SEC61B: variants seen among roughly 807,000 people sequenced by gnomAD.
SEC61B encodes protein transport protein Sec61 subunit beta.
In SEC61B, 7 loss-of-function variants were observed where a neutral mutation model predicts 12.6. That is an observed-to-expected ratio of 0.55 (90% confidence interval 0.32 to 1.04). The LOEUF (loss-of-function observed/expected upper bound fraction) is 1.04. Among genes scored for constraint, SEC61B ranks in the 50% least tolerant of loss-of-function variants. The pLI, the probability that SEC61B is intolerant of heterozygous loss-of-function variation, is 0.05. For synonymous variants in SEC61B, 54 were observed against 50.1 expected, an observed-to-expected ratio of 1.08 and a Z score of -0.33; for missense variants, 107 against 130.1, an observed-to-expected ratio of 0.82 and a Z score of 0.86.
At chr9:99,222,449 C>T in intron 1 of SEC61B, 83 bp downstream of exon 1, 2 of 1,607,824 alleles carry the variant, frequency 1.2e-6, no homozygotes, top group Non-Finnish European at 1.7e-6. Context: ...CTCTGTAGCT[C>T]CCTTGCTTCC....
chr9:99,228,927 G>A (rs1033226450), intron 3 of SEC61B, among the ~76,000 whole-genome samples: 2 of 152,088 alleles, frequency 1.3e-5, no homozygotes, highest in African/African-American at 2.4e-5. Context: ...TTTGCATATT[G>A]TCCATCTAGT....
intron 2 of SEC61B, among the ~76,000 whole-genome samples, chr9:99,226,240 C>G (rs1393133967): frequency 6.6e-6 from 1 of 152,204 alleles, no homozygotes; most frequent in Non-Finnish European, 1.5e-5. Context: ...GAACACAGCT[C>G]TTCCTGTTAG....
At chr9:99,222,696 C>A in intron 2 of SEC61B, 53 bp downstream of exon 2, 1 of 1,236,026 alleles carries the variant, frequency 8.1e-7, no homozygotes. Flanking sequence ...GGACCCAGAA[C>A]CTCGCTGATT....
At chr9:99,222,664 T>TTCGC in intron 2 of SEC61B, 21 bp downstream of exon 2, 1 of 1,481,512 alleles carries the variant, frequency 6.7e-7, no homozygotes, top group South Asian at 1.3e-5. Context: ...CTGCAGTTCG[T>TTCGC]TCGCTTCCAG....
At chr9:99,224,563 A>G (rs1310535999) in intron 2 of SEC61B, among the ~76,000 whole-genome samples, 2 of 152,262 alleles carry the variant, frequency 1.3e-5, no homozygotes, top group African/African-American at 4.8e-5. Flanking sequence ...AATAGTAAAA[A>G]TGAAATAACT....
chr9:99,229,668 A>C (rs1159632819), intron 3 of SEC61B, among the ~76,000 whole-genome samples: 1 of 152,046 alleles, frequency 6.6e-6, no homozygotes, highest in East Asian at 1.9e-4. Flanking sequence ...CTCATTTTAA[A>C]CCCTTCTCAA....
At chr9:99,226,390 C>A (rs1046834707) in intron 2 of SEC61B, among the ~76,000 whole-genome samples, 1 of 152,176 alleles carries the variant, frequency 6.6e-6, no homozygotes, top group African/African-American at 2.4e-5. Flanking sequence ...GGGAGGAAAG[C>A]AAGAAGAGAT....
chr9:99,223,391 CT>C (rs1828858994), intron 2 of SEC61B, among the ~76,000 whole-genome samples: 1 of 148,740 alleles, frequency 6.7e-6, no homozygotes, highest in Admixed American at 6.7e-5. Flanking sequence ...CCTAACCTTT[CT>C]TTTTCCTTTT....
intron 2 of SEC61B, among the ~76,000 whole-genome samples, chr9:99,226,688 G>C (rs1442204827): frequency 8.5e-5 from 13 of 152,182 alleles, no homozygotes. Flanking sequence ...GAGCAGCTGG[G>C]GTTGGGGAAG....
Position 99,227,959 on chromosome 9 carries a change from G to C in SEC61B, c.162G>C (p.Gly54=), listed in dbSNP as rs1225261017. 6 of 1,614,000 alleles carry C rather than the reference G, an allele frequency of 3.7e-6. No homozygotes were observed. The highest frequency in any genetic ancestry group is 1.7e-6 in the Non-Finnish European group (2 of 1,180,002). ...GCACAACCTCGGCAGGCACCGGGGGGATGTGGCGATTCTACACAGAAGATT... is the reference window on the plus strand; with the variant it reads ...GCACAACCTCGGCAGGCACCGGGGGCATGTGGCGATTCTACACAGAAGATT... ...AGRTTSAGTG[G]MWRFYTEDSP... The change falls in exon 3 of 4, where the codon GGG becomes GGC. Residue 54 remains glycine, a synonymous_variant. Coordinates refer to ENST00000223641, the MANE Select transcript of SEC61B (RefSeq NM_006808.3).
rs1259578327 is a variant in SEC61B, at chr9:99,222,385, GA to G, written c.3+20del. The G allele has an allele frequency of 3.1e-6, 5 of 1,613,976 alleles. No individual in the cohort carries two copies. The African/African-American group carries it at 6.7e-5, about 22-fold the overall frequency. ...CAATATGGTATGGCGGCCCTTCCAT[GA>G]TCCCCGCCTCTCCCAGAAGCCCTGA... On this transcript the variant is annotated intron_variant, in intron 1 of 3. Coordinates refer to ENST00000223641, the MANE Select transcript of SEC61B (RefSeq NM_006808.3).
chr9:99,223,484 C>T (rs903513444), intron 2 of SEC61B, among the ~76,000 whole-genome samples: 1 of 151,862 alleles, frequency 6.6e-6, no homozygotes, highest in African/African-American at 2.4e-5. Flanking sequence ...GCCTTTGCCT[C>T]CAGAGTTCAA....
In SEC61B at chr9:99,222,624, G is replaced by A; in HGVS notation, c.82G>A (p.Gly28Arg). Residue 28 changes from glycine to arginine, a missense_variant, in exon 2 of 4, where the codon GGA becomes AGA. By Grantham distance (125) the Gly-to-Arg change is moderately radical. Coordinates refer to ENST00000223641, the MANE Select transcript of SEC61B (RefSeq NM_006808.3). ...CAAAGCAGTGGCCGCCCGGGCGGCG[G>A]GATCCACTGTCCGGCAGAGGTAAGG... Reference protein sequence around the residue: ...PSKAVAARAAGSTVRQRKNAS... With the variant: ...PSKAVAARAARSTVRQRKNAS... The A allele has an allele frequency of 1.3e-6, 2 of 1,548,850 alleles. No individual in the cohort carries two copies. The highest frequency in any genetic ancestry group is 1.7e-6 in the Non-Finnish European group (2 of 1,146,422).
chr9:99,222,466 C>G, intron 1 of SEC61B, 80 bp from the exon 2 acceptor site: 1 of 1,605,562 alleles, frequency 6.2e-7, no homozygotes, highest in South Asian at 1.1e-5. Flanking sequence ...TTCCCCCAGC[C>G]TCGGGTGTGG....
chr9:99,222,500 C>T (rs1828840000), intron 1 of SEC61B, 46 bp from the exon 2 acceptor site: 1 of 1,602,218 alleles, frequency 6.2e-7, no homozygotes, highest in African/African-American at 1.3e-5. Context: ...GGTTCTGGGG[C>T]AGGCCTGCCG....
At chr9:99,229,606 C>T (rs1278738589) in intron 3 of SEC61B, among the ~76,000 whole-genome samples, 3 of 152,284 alleles carry the variant, frequency 2.0e-5, no homozygotes, top group Admixed American at 2.0e-4. Flanking sequence ...GGATTATAGG[C>T]ATGAGAGGGA....
At chr9:99,222,761 TGACGTGGCCGTGG>T (rs1828845579) in intron 2 of SEC61B, 118 bp downstream of exon 2, 1 of 732,426 alleles carries the variant, frequency 1.4e-6, no homozygotes, top group South Asian at 2.0e-5. Context: ...GAGCTTCTAG[TGACGTGGCCGTGG>T]GAGTAGTTAA....
chr9:99,225,870 T>C (rs1253313283), intron 2 of SEC61B, among the ~76,000 whole-genome samples: 1 of 152,180 alleles, frequency 6.6e-6, no homozygotes, highest in Non-Finnish European at 1.5e-5. Context: ...TAGTAGGAAG[T>C]GCATGCGTCC....
chr9:99,227,803 T>C lies in SEC61B; in HGVS notation c.102-96T>C. The stretch of plus-strand genomic sequence containing the variant: ...TTCTAGCAAAGAAAGTTTTTTTTTT[T>C]TGATTCCTTAACTGTGTAATAATGG... On this transcript the variant is annotated intron_variant, in intron 2 of 3. Transcript: ENST00000223641. 3.5e-6 allele frequency: 3 copies of C among 855,438 alleles called. No individual in the cohort carries two copies. The South Asian group carries it at 5.3e-5, about 15-fold the overall frequency. 53.0% of individuals were successfully genotyped at this position (855,438 alleles called of 1,614,324 possible).
Sources: gnomAD v4.1 joint callset for allele counts (sites outside exome capture counted in the v4.1 genomes callset) on GRCh38, gnomAD v4.1.1 for gene constraint, MANE v1.5 for transcripts, NCBI Gene and HGNC (gene_info 2026-07-23, HGNC 2026-07-21) for gene names.